Variants in GRIN2A observed in about 807,000 individuals in gnomAD.
GRIN2A encodes glutamate receptor ionotropic, NMDA 2A.
GRIN2A carries 22 observed loss-of-function variants against 113.4 expected under a neutral mutation model. The ratio of observed to expected loss-of-function variants is 0.19; its 90% confidence interval spans 0.14 to 0.28. The LOEUF is 0.28. GRIN2A is among the 10% of genes least tolerant of loss of function. The pLI is 1.00. For missense variants in GRIN2A, 1,502 were observed against 1,887.0 expected (o/e 0.80, Z 3.78); for synonymous variants, 827 against 738.4 (o/e 1.12, Z -1.94).
intron 2 of GRIN2A, among the ~76,000 whole-genome samples, chr16:10,062,667 T>C (rs1159588221): frequency 6.6e-6 from 1 of 151,994 alleles, no homozygotes; most frequent in African/African-American, 2.4e-5. Flanking sequence ...GAGTTTGAGA[T>C]CAACCTGGCC....
intron 2 of GRIN2A, among the ~76,000 whole-genome samples, chr16:9,997,063 C>G (rs1418402011): frequency 6.6e-6 from 1 of 152,134 alleles, no homozygotes; most frequent in Non-Finnish European, 1.5e-5. Flanking sequence ...ATGTATCATC[C>G]TGACAACACA....
intron 2 of GRIN2A, among the ~76,000 whole-genome samples, chr16:10,172,894 CAG>C (rs1346752370): frequency 6.6e-6 from 1 of 152,132 alleles, no homozygotes; most frequent in African/African-American, 2.4e-5. Context: ...TATTACAAAC[CAG>C]AGATTCAGTT....
intron 2 of GRIN2A, among the ~76,000 whole-genome samples, chr16:10,178,931 C>T (rs1596585623): frequency 6.6e-6 from 1 of 152,256 alleles, no homozygotes; most frequent in African/African-American, 2.4e-5. Context: ...ACTCTTTCCT[C>T]GCCTTCTGAA....
chr16:9,845,346 G>C (rs920751426), intron 5 of GRIN2A, among the ~76,000 whole-genome samples: 1 of 152,082 alleles, frequency 6.6e-6, no homozygotes, highest in African/African-American at 2.4e-5. Flanking sequence ...TCAGCTCCAG[G>C]GCTTTTGATT....
chr16:9,798,266 C>A lies in GRIN2A; in HGVS notation c.2356+11G>T. ...AGTCCCCCTAAAGAAAGGGGTCACCCGGGGTCTTACCATCACCCACAAACT... is the reference window on the plus strand; with the variant it reads ...AGTCCCCCTAAAGAAAGGGGTCACCAGGGGTCTTACCATCACCCACAAACT... On this transcript the variant is annotated intron_variant, in intron 11 of 12. Transcript: ENST00000330684. The A allele has an allele frequency of 6.2e-7, 1 of 1,611,218 alleles. No individual in the cohort carries two copies. The highest frequency in any genetic ancestry group is 8.5e-7 in the Non-Finnish European group (1 of 1,177,738).
At chr16:10,127,914 G>T (rs1229787064) in intron 2 of GRIN2A, among the ~76,000 whole-genome samples, 1 of 152,120 alleles carries the variant, frequency 6.6e-6, no homozygotes, top group Admixed American at 6.5e-5. Flanking sequence ...GCTTGTGGGG[G>T]CCTTGGGTCA....
At chr16:10,077,924 G>A (rs1009167910) in intron 2 of GRIN2A, among the ~76,000 whole-genome samples, 1 of 152,086 alleles carries the variant, frequency 6.6e-6, no homozygotes, top group Non-Finnish European at 1.5e-5. Context: ...TGTCTCCAAG[G>A]TAAACTCAGG....
chr16:9,824,985 C>T (rs778203337), intron 9 of GRIN2A, among the ~76,000 whole-genome samples: 4 of 152,094 alleles, frequency 2.6e-5, no homozygotes, highest in Non-Finnish European at 5.9e-5. Flanking sequence ...GTTCCACGTG[C>T]AAGCAGAAAG....
At chr16:9,793,345 G>A (rs1902740427) in intron 11 of GRIN2A, among the ~76,000 whole-genome samples, 1 of 152,124 alleles carries the variant, frequency 6.6e-6, no homozygotes, top group East Asian at 1.9e-4. Flanking sequence ...TATGAGAAGG[G>A]TTTGACCTTT....
intron 4 of GRIN2A, among the ~76,000 whole-genome samples, chr16:9,879,501 G>T (rs2043436574): frequency 6.6e-6 from 1 of 152,182 alleles, no homozygotes; most frequent in African/African-American, 2.4e-5. Flanking sequence ...TTCTGTTTCT[G>T]AAATTTCTCT....
At chr16:9,831,705 G>A (rs1460351563) in intron 8 of GRIN2A, among the ~76,000 whole-genome samples, 2 of 151,802 alleles carry the variant, frequency 1.3e-5, no homozygotes, top group East Asian at 1.9e-4. Context: ...TAGTAGGGAT[G>A]CGGTTTTGCC....
intron 2 of GRIN2A, among the ~76,000 whole-genome samples, chr16:10,051,243 T>C (rs2047354252): frequency 6.6e-6 from 1 of 152,210 alleles, no homozygotes; most frequent in African/African-American, 2.4e-5. Flanking sequence ...ACCCACTCTG[T>C]ACTTTGGGAC....
chr16:9,924,602 T>A (rs1178613931), intron 3 of GRIN2A, among the ~76,000 whole-genome samples: 1 of 152,226 alleles, frequency 6.6e-6, no homozygotes, highest in Non-Finnish European at 1.5e-5. Context: ...TCATTAAATT[T>A]GAAAATTTTT....
intron 2 of GRIN2A, among the ~76,000 whole-genome samples, chr16:10,132,177 C>CA: frequency 6.6e-6 from 1 of 151,648 alleles, no homozygotes; most frequent in East Asian, 1.9e-4. Flanking sequence ...TCTAAAAATA[C>CA]AAAAATTAGC....
At chr16:10,046,777 T>C (rs897081892) in intron 2 of GRIN2A, among the ~76,000 whole-genome samples, 1 of 152,198 alleles carries the variant, frequency 6.6e-6, no homozygotes, top group Non-Finnish European at 1.5e-5. Context: ...AAACTCCAAG[T>C]GCTTTGTGGG....
intron 4 of GRIN2A, among the ~76,000 whole-genome samples, chr16:9,888,017 C>T (rs568169065): frequency 5.9e-4 from 90 of 152,286 alleles, no homozygotes; most frequent in African/African-American, 1.9e-3. Context: ...CTTGGCTCAC[C>T]GGAACCTCCA....
chr16:10,159,515 G>A (rs954871308), intron 2 of GRIN2A, among the ~76,000 whole-genome samples: 1 of 152,172 alleles, frequency 6.6e-6, no homozygotes, highest in African/African-American at 2.4e-5. Flanking sequence ...CGCCTGTACA[G>A]AGGTGTAGGT....
chr16:9,874,582 G>A (rs1242873519), intron 4 of GRIN2A, among the ~76,000 whole-genome samples: 1 of 152,180 alleles, frequency 6.6e-6, no homozygotes, highest in Non-Finnish European at 1.5e-5. Context: ...CTTCACTACT[G>A]ATATATGAAC....
chr16:10,020,338 AG>A (rs1185334951), intron 2 of GRIN2A, among the ~76,000 whole-genome samples: 2 of 152,318 alleles, frequency 1.3e-5, no homozygotes, highest in East Asian at 3.9e-4. Flanking sequence ...CTTTGGGCTC[AG>A]TTTCTTCATC....
Sources: allele counts gnomAD v4.1 joint callset (sites outside exome capture counted in the v4.1 genomes callset), GRCh38; gene constraint gnomAD v4.1.1; transcripts MANE v1.5; gene names NCBI Gene and HGNC (gene_info 2026-07-23, HGNC 2026-07-21).